The following MLLT10 variants were observed in gnomAD, a reference collection of about 807,000 sequenced individuals.
The protein encoded by MLLT10 is protein AF-10.
MLLT10 carries 30 observed loss-of-function variants against 129.1 expected under a neutral mutation model. The observed-to-expected ratio is 0.23, with a 90% CI of 0.17 to 0.32. MLLT10 has a LOEUF of 0.32. Ranked by LOEUF, MLLT10 falls within the 10% of genes least tolerant of loss-of-function variation. The probability of loss-of-function intolerance (pLI) is 1.00; values close to 1 mark genes in which losing one functional copy is unlikely to be tolerated. For synonymous variants in MLLT10, 490 were observed against 446.4 expected (o/e 1.10, Z -1.23); for missense variants, 1,119 against 1,268.3 (o/e 0.88, Z 1.79).
chr10:21,637,776 A>G (rs1167462575), intron 8 of MLLT10, among the ~76,000 whole-genome samples: 1 of 152,198 alleles, frequency 6.6e-6, no homozygotes, highest in East Asian at 1.9e-4. Flanking sequence ...GGCATTAGAA[A>G]TGTCCAGAAC....
At chr10:21,737,668 A>T (rs1427902622) in intron 21 of MLLT10, among the ~76,000 whole-genome samples, 1 of 152,064 alleles carries the variant, frequency 6.6e-6, no homozygotes, top group Non-Finnish European at 1.5e-5. Flanking sequence ...GAACTTGTAG[A>T]AGGGGAGAAA....
At chr10:21,732,472 G>A (rs1445789537) in intron 17 of MLLT10, among the ~76,000 whole-genome samples, 2 of 152,186 alleles carry the variant, frequency 1.3e-5, no homozygotes, top group African/African-American at 4.8e-5. Context: ...ACAAAAACAT[G>A]TGCTCATTAT....
intron 13 of MLLT10, 124 bp downstream of exon 13, chr10:21,682,381 A>C: frequency 1.2e-6 from 1 of 843,206 alleles, no homozygotes; most frequent in South Asian, 2.0e-5. Context: ...CAGTGAGTCA[A>C]TTGTTCAGCA....
rs1425648682 is a variant in MLLT10, at chr10:21,670,702, A to C, written c.1049A>C (p.Gln350Pro). The change falls in exon 10 of 23, where the codon CAA becomes CCA. Residue 350 changes from glutamine to proline, a missense_variant and splice_region_variant. This residue lies in a region of MLLT10 where 1,004 missense variants were observed against 1,008.7 expected (regional missense o/e 1.00). Coordinates refer to ENST00000307729, the MANE Select transcript of MLLT10 (RefSeq NM_001195626.3). ...GTGTCAGCAGCTAGCCCTTTTCCTC[A>C]AGGTATTAGTGATGTTTTAGTTAAA... ...TTVSAASPFPQGSFSGTPGSV... is the reference protein window; with the variant it reads ...TTVSAASPFPPGSFSGTPGSV... 1 of 1,612,224 alleles carries C rather than the reference A, an allele frequency of 6.2e-7. No individual in the cohort carries two copies. The highest frequency in any genetic ancestry group is 8.5e-7 in the Non-Finnish European group (1 of 1,179,452).
chr10:21,692,196 TTAA>T (rs749952797), intron 13 of MLLT10, among the ~76,000 whole-genome samples: 11 of 151,252 alleles, frequency 7.3e-5, no homozygotes, highest in Non-Finnish European at 1.2e-4. Flanking sequence ...ATAAAAGGAC[TTAA>T]TAATAGAAGT....
chr10:21,668,654 G>A (rs1178877683), intron 9 of MLLT10, among the ~76,000 whole-genome samples: 4 of 151,876 alleles, frequency 2.6e-5, no homozygotes, highest in Non-Finnish European at 4.4e-5. Flanking sequence ...TGCTCTCTTT[G>A]TAATACTGTT....
chr10:21,716,913 A>G (rs1409652702), intron 14 of MLLT10, among the ~76,000 whole-genome samples: 1 of 152,048 alleles, frequency 6.6e-6, no homozygotes, highest in Non-Finnish European at 1.5e-5. Context: ...TTTTTGTGAT[A>G]TACATTTTAA....
chr10:21,592,631 T>C (rs2042618951), intron 4 of MLLT10, among the ~76,000 whole-genome samples: 1 of 152,186 alleles, frequency 6.6e-6, no homozygotes, highest in South Asian at 2.1e-4. Context: ...TAATTTTTTG[T>C]ATTTTTAGTA....
intron 8 of MLLT10, among the ~76,000 whole-genome samples, chr10:21,641,537 T>G (rs1242169971): frequency 6.6e-6 from 1 of 152,150 alleles, no homozygotes; most frequent in Non-Finnish European, 1.5e-5. Context: ...GTGCCTATAG[T>G]CACAGCTACT....
intron 3 of MLLT10, chr10:21,556,887 G>A (rs2038091753): frequency 1.3e-6 from 2 of 1,550,898 alleles, no homozygotes; most frequent in Non-Finnish European, 1.7e-6. Flanking sequence ...TATATTTATG[G>A]CTTTATGCCA....
chr10:21,741,914 C>A, intron 22 of MLLT10, 25 bp from the exon 23 acceptor site: 1 of 1,606,704 alleles, frequency 6.2e-7, no homozygotes, highest in Non-Finnish European at 8.5e-7. Context: ...TTAGCTAACG[C>A]ATCTGCTCTT....
At chr10:21,706,495 A>T (rs1296599759) in intron 13 of MLLT10, among the ~76,000 whole-genome samples, 1 of 152,240 alleles carries the variant, frequency 6.6e-6, no homozygotes, top group East Asian at 1.9e-4. Flanking sequence ...TTCACACCAT[A>T]TTAACCTCTA....
chr10:21,539,493 G>A (rs1008126375), intron 3 of MLLT10, among the ~76,000 whole-genome samples: 1 of 151,246 alleles, frequency 6.6e-6, no homozygotes, highest in African/African-American at 2.4e-5. Flanking sequence ...TGAAGGAGGT[G>A]CCGGGTGCAG....
chr10:21,592,370 A>G (rs1381394175), intron 4 of MLLT10, among the ~76,000 whole-genome samples: 1 of 150,638 alleles, frequency 6.6e-6, no homozygotes, highest in African/African-American at 2.4e-5. Flanking sequence ...TTATTTAGTT[A>G]TCTAGTTTTT....
chr10:21,646,012 C>T (rs1482847716), intron 8 of MLLT10, among the ~76,000 whole-genome samples: 3 of 152,144 alleles, frequency 2.0e-5, no homozygotes, highest in African/African-American at 4.8e-5. Flanking sequence ...CGAGACCAGC[C>T]TGGCCAACAT....
intron 3 of MLLT10, among the ~76,000 whole-genome samples, chr10:21,581,583 G>T (rs1471173587): frequency 6.6e-6 from 1 of 152,126 alleles, no homozygotes; most frequent in East Asian, 1.9e-4. Flanking sequence ...TAATCCCTAT[G>T]TGTTGAAGGA....
At chr10:21,661,642 T>A (rs2050216438) in intron 9 of MLLT10, 1 of 152,214 alleles carries the variant, frequency 6.6e-6, no homozygotes, top group African/African-American at 2.4e-5. Context: ...TACTTTTATA[T>A]GGAACGCTTC....
intron 5 of MLLT10, among the ~76,000 whole-genome samples, chr10:21,599,932 G>A (rs1203389434): frequency 6.6e-6 from 1 of 152,162 alleles, no homozygotes. Flanking sequence ...GTAGACCAAA[G>A]AAGGAATTAT....
At chr10:21,546,521 C>A (rs962051699) in intron 3 of MLLT10, among the ~76,000 whole-genome samples, 1 of 151,762 alleles carries the variant, frequency 6.6e-6, no homozygotes, top group Non-Finnish European at 1.5e-5. Flanking sequence ...TCTCCTGCCT[C>A]AGCCTCCCGA....
Sources: gnomAD v4.1 joint callset for allele counts (sites outside exome capture counted in the v4.1 genomes callset) on GRCh38, gnomAD v4.1.1 for gene constraint, gnomAD v4.1.1 regional missense constraint, MANE v1.5 for transcripts, NCBI Gene and HGNC (gene_info 2026-07-23, HGNC 2026-07-21) for gene names.